Variants in GLIS1 observed in about 807,000 individuals in gnomAD.
GLIS1 encodes GLIS family zinc finger 1, also known as zinc finger protein GLIS1.
In GLIS1, 24 loss-of-function variants were observed where a neutral mutation model predicts 63.8. That is an observed-to-expected ratio of 0.38 (90% confidence interval 0.27 to 0.53). The LOEUF is 0.53. Among genes scored for constraint, GLIS1 ranks in the 20% least tolerant of loss-of-function variants. GLIS1 has a pLI of 0.85. For synonymous variants in GLIS1, 450 were observed against 482.5 expected, an observed-to-expected ratio of 0.93 and a Z score of 0.88; for missense variants, 1,036 against 1,074.1, an observed-to-expected ratio of 0.96 and a Z score of 0.50.
At chr1:53,699,366 T>C (rs1048364774) in intron 2 of GLIS1, among the ~76,000 whole-genome samples, 1 of 152,176 alleles carries the variant, frequency 6.6e-6, no homozygotes, top group African/African-American at 2.4e-5. Flanking sequence ...GCCCAGCCGA[T>C]TGTTCTTGAT....
rs949306227 is a variant in GLIS1, at chr1:53,534,946, G to A, written c.1321-4994C>T. On this transcript the variant is annotated intron_variant, in intron 4 of 10. Transcript: ENST00000628545. ...GGGAGCTACAAAAGCCTTCACAGAGGAGCTCAGCCCTGACACCCAGGCAGG... is the reference window on the plus strand; with the variant it reads ...GGGAGCTACAAAAGCCTTCACAGAGAAGCTCAGCCCTGACACCCAGGCAGG... Among the ~76,000 whole-genome samples the A allele has an allele frequency of 1.6e-4, 24 of 152,062 alleles. 1 individual carries two copies. Among genetic ancestry groups the A allele is most frequent in the African/African-American group, 5.8e-4 (24 of 41,322 alleles).
At chr1:53,622,783 C>G (rs968806183) in intron 2 of GLIS1, among the ~76,000 whole-genome samples, 1 of 152,198 alleles carries the variant, frequency 6.6e-6, no homozygotes, top group Admixed American at 6.5e-5. Flanking sequence ...CTGCCGACAC[C>G]TTGATTTTGG....
At chr1:53,716,545 A>G (rs1209064736) in intron 2 of GLIS1, among the ~76,000 whole-genome samples, 2 of 152,220 alleles carry the variant, frequency 1.3e-5, no homozygotes, top group Non-Finnish European at 2.9e-5. Flanking sequence ...AAGGAAAAAG[A>G]TGGTTTAAAA....
chr1:53,713,691 A>G (rs1646669475), intron 2 of GLIS1, among the ~76,000 whole-genome samples: 1 of 152,212 alleles, frequency 6.6e-6, no homozygotes. Context: ...GAGCCCAGGA[A>G]GTTGAGGCTG....
At chr1:53,536,267 T>C (rs1194884611) in intron 4 of GLIS1, among the ~76,000 whole-genome samples, 1 of 152,084 alleles carries the variant, frequency 6.6e-6, no homozygotes, top group Non-Finnish European at 1.5e-5. Flanking sequence ...AAGGTGATAC[T>C]GAGGGCAGGG....
At chr1:53,516,250 C>T (rs1031809330) in intron 7 of GLIS1, among the ~76,000 whole-genome samples, 4 of 152,196 alleles carry the variant, frequency 2.6e-5, no homozygotes, top group African/African-American at 9.6e-5. Flanking sequence ...TCTGAGAACA[C>T]ACCAGTCTCC....
intron 4 of GLIS1, among the ~76,000 whole-genome samples, chr1:53,558,236 A>T (rs1644852258): frequency 6.6e-6 from 1 of 152,230 alleles, no homozygotes; most frequent in Admixed American, 6.5e-5. Flanking sequence ...CAGGAAGAGT[A>T]ACTTAAGGAC....
At chr1:53,719,528 T>C (rs1171676575) in intron 2 of GLIS1, among the ~76,000 whole-genome samples, 1 of 152,194 alleles carries the variant, frequency 6.6e-6, no homozygotes, top group Non-Finnish European at 1.5e-5. Flanking sequence ...CAATGCCTAC[T>C]GTTAAGATCC....
At chr1:53,556,481 AGGTGTACTGCAGGTGTGTGTGT>A (rs1644829265) in intron 4 of GLIS1, among the ~76,000 whole-genome samples, 1 of 121,918 alleles carries the variant, frequency 8.2e-6, no homozygotes, top group Non-Finnish European at 1.6e-5. Context: ...GTGTGCGTGC[AGGTGTACTGCAGGTGTGTGTGT>A]GGTGTACTGC....
Position 53,594,631 on chromosome 1 carries a change from C to T in GLIS1, c.797G>A (p.Arg266His). The T allele has an allele frequency of 1.3e-6, 2 of 1,562,042 alleles. No homozygotes were observed. Among genetic ancestry groups the T allele is most frequent in the Non-Finnish European group, 8.7e-7 (1 of 1,151,052 alleles). ...CASSDVTSII[R>H]SSQTSLVTCV... ...GGTGACCAGAGACGTCTGGGAGGAG[C>T]GGATGATGGAGGTGACGTCGGAGGA... The change falls in exon 4 of 11, where the codon CGC becomes CAC. Residue 266 changes from arginine to histidine, a missense_variant. Physicochemically the swap from Arg to His is conservative, Grantham distance 29. Transcript: ENST00000628545.
At chr1:53,542,191 C>T (rs921229667) in intron 4 of GLIS1, among the ~76,000 whole-genome samples, 4 of 152,174 alleles carry the variant, frequency 2.6e-5, no homozygotes, top group East Asian at 1.9e-4. Context: ...TGATGGGCCT[C>T]GGTTTTCATC....
intron 7 of GLIS1, among the ~76,000 whole-genome samples, chr1:53,515,245 G>A (rs1228390355): frequency 6.6e-6 from 1 of 152,144 alleles, no homozygotes; most frequent in African/African-American, 2.4e-5. Flanking sequence ...AGAAGCTTGA[G>A]AGTAGACAGC....
At chr1:53,561,151 C>T (rs1241461066) in intron 4 of GLIS1, among the ~76,000 whole-genome samples, 2 of 152,212 alleles carry the variant, frequency 1.3e-5, no homozygotes, top group Non-Finnish European at 2.9e-5. Context: ...ACCCCACTGG[C>T]CAAGTCAGAG....
chr1:53,725,248 T>A (rs1392053365), intron 2 of GLIS1, among the ~76,000 whole-genome samples: 1 of 152,198 alleles, frequency 6.6e-6, no homozygotes, highest in Admixed American at 6.5e-5. Context: ...AAAGCAGTCC[T>A]CAAGCCCAGG....
chr1:53,697,941 A>G (rs936800274), intron 2 of GLIS1, among the ~76,000 whole-genome samples: 1 of 152,200 alleles, frequency 6.6e-6, no homozygotes, highest in African/African-American at 2.4e-5. Flanking sequence ...AAGGACGTGT[A>G]TTGGGATGGG....
chr1:53,508,441 C>A (rs948998213), intron 10 of GLIS1, among the ~76,000 whole-genome samples: 9 of 152,212 alleles, frequency 5.9e-5, no homozygotes, highest in South Asian at 2.1e-4. Context: ...GCCCTGGAAA[C>A]CTCCTGTTAG....
chr1:53,584,004 G>A (rs1645110402), intron 4 of GLIS1, among the ~76,000 whole-genome samples: 1 of 152,198 alleles, frequency 6.6e-6, no homozygotes, highest in South Asian at 2.1e-4. Flanking sequence ...ACCTGGCCTG[G>A]CCCACGGGTG....
chr1:53,706,586 C>T (rs1177244976), intron 2 of GLIS1, among the ~76,000 whole-genome samples: 3 of 152,250 alleles, frequency 2.0e-5, no homozygotes, highest in Non-Finnish European at 4.4e-5. Flanking sequence ...CCAGGGACCA[C>T]TTCCTTCTCT....
At chr1:53,724,782 T>C (rs1646789048) in intron 2 of GLIS1, among the ~76,000 whole-genome samples, 1 of 152,154 alleles carries the variant, frequency 6.6e-6, no homozygotes, top group Admixed American at 6.5e-5. Flanking sequence ...CAAGCAATCC[T>C]CCTGTCTCAG....
Sources: gnomAD v4.1 joint callset for allele counts (sites outside exome capture counted in the v4.1 genomes callset) on GRCh38, gnomAD v4.1.1 for gene constraint, MANE v1.5 for transcripts, NCBI Gene and HGNC (gene_info 2026-07-23, HGNC 2026-07-21) for gene names.